The following CDC7 variants were observed in gnomAD, a reference collection of about 807,000 sequenced individuals.
CDC7 encodes the protein cell division cycle 7-related protein kinase.
CDC7 carries 34 observed loss-of-function variants against 53.5 expected under a neutral mutation model. That is an observed-to-expected ratio of 0.64 (90% CI 0.48 to 0.85). CDC7 has a LOEUF of 0.85. Ranked by LOEUF, CDC7 falls within the 40% of genes least tolerant of loss-of-function variation. The pLI, the probability that CDC7 is intolerant of heterozygous loss-of-function variation, is 0.00. For missense variants in CDC7, 594 were observed against 679.7 expected (o/e 0.87, Z 1.40); for synonymous variants, 211 against 222.8 (o/e 0.95, Z 0.47).
chr1:91,523,992 AT>A (rs1452166153), intron 11 of CDC7, 48 bp from the exon 12 acceptor site: 29 of 1,454,172 alleles, frequency 2.0e-5, no homozygotes, highest in Non-Finnish European at 2.6e-5. Flanking sequence ...ATATATTCAA[AT>A]AATAAAATGT....
chr1:91,515,791 A>G lies in CDC7; in HGVS notation c.1098-3A>G, dbSNP rs758356395. The G allele has an allele frequency of 1.2e-6, 2 of 1,613,222 alleles. No homozygotes were observed. Among genetic ancestry groups the G allele is most frequent in the Non-Finnish European group, 8.5e-7 (1 of 1,179,614 alleles). On this transcript the variant is annotated splice_region_variant and splice_polypyrimidine_tract_variant and intron_variant, in intron 9 of 11. Coordinates refer to ENST00000234626, the MANE Select transcript of CDC7 (RefSeq NM_003503.4). ...AACTAGAGAAATCTTATTTCATCAT[A>G]AGGCGTCAGCAGGTTGCCCCTAGGG...
At chr1:91,518,087 C>A in intron 10 of CDC7, among the ~76,000 whole-genome samples, 1 of 21,740 alleles carries the variant, frequency 4.6e-5, no homozygotes, top group East Asian at 1.1e-3. Flanking sequence ...GAGTGAGACT[C>A]AGTCTCAAAA....
chr1:91,515,421 C>T (rs1031975945), intron 9 of CDC7, among the ~76,000 whole-genome samples: 1 of 152,068 alleles, frequency 6.6e-6, no homozygotes, highest in Non-Finnish European at 1.5e-5. Flanking sequence ...TTTCATAAAG[C>T]CTTTCTTGAT....
intron 1 of CDC7, 69 bp from the exon 2 acceptor site, chr1:91,501,585 G>C (rs184001458): frequency 7.4e-5 from 53 of 713,180 alleles, no homozygotes; most frequent in Admixed American, 1.1e-4. Flanking sequence ...CCTTTGGGGG[G>C]CAGTAGCATG....
chr1:91,521,813 A>C (rs1667962041), intron 11 of CDC7, among the ~76,000 whole-genome samples: 1 of 152,144 alleles, frequency 6.6e-6, no homozygotes, highest in Non-Finnish European at 1.5e-5. Context: ...CTCTAGATCA[A>C]GTGCCATGAT....
intron 2 of CDC7, among the ~76,000 whole-genome samples, chr1:91,506,376 T>G (rs1666991377): frequency 6.6e-6 from 1 of 152,110 alleles, no homozygotes. Context: ...TTCCTGTCTT[T>G]ACAGACGTAG....
Position 91,514,009 on chromosome 1 carries a change from A to G in CDC7, c.884A>G (p.His295Arg). The G allele has an allele frequency of 6.2e-7, 1 of 1,612,262 alleles. No individual in the cohort carries two copies. ...TTTGGAGAAAGAAATTTCAATATAC[A>G]CAGCTCCATTTCACATGAGAGCCCT... Reference protein sequence around the residue: ...SVFGERNFNIHSSISHESPAV... With the variant: ...SVFGERNFNIRSSISHESPAV... The change falls in exon 8 of 12, where the codon CAC (histidine) becomes CGC (arginine). Residue 295 changes from histidine to arginine, a missense_variant. Transcript: ENST00000234626.
rs116098820 is a variant in CDC7 at position 91,505,407 on chromosome 1, A to G, written c.116-2447A>G. ...ATACTCTGTTTAAACTCTGTTTGCT[A>G]TGTTGCAAGCCGACTGGCTACTATG... On this transcript the variant is annotated intron_variant, in intron 2 of 11. Coordinates refer to ENST00000234626, the MANE Select transcript of CDC7 (RefSeq NM_003503.4). 6.4e-3 allele frequency among the ~76,000 whole-genome samples: 977 copies of G among 152,298 alleles called. 8 individuals carry two copies. Among genetic ancestry groups the G allele is most frequent in the African/African-American group, 0.022 (932 of 41,566 alleles).
chr1:91,521,162 C>G (rs1190107665), intron 11 of CDC7, among the ~76,000 whole-genome samples: 3 of 152,198 alleles, frequency 2.0e-5, no homozygotes, highest in Non-Finnish European at 4.4e-5. Flanking sequence ...ATCAGTGGGT[C>G]TTAACCAGAG....
At chr1:91,510,176 T>C (rs1256087007) in intron 4 of CDC7, among the ~76,000 whole-genome samples, 3 of 151,756 alleles carry the variant, frequency 2.0e-5, no homozygotes, top group East Asian at 1.9e-4. Context: ...GATCACTCCA[T>C]TGCACTCCAT....
At chr1:91,520,558 C>G (rs1248475228) in intron 11 of CDC7, among the ~76,000 whole-genome samples, 1 of 151,974 alleles carries the variant, frequency 6.6e-6, no homozygotes, top group Non-Finnish European at 1.5e-5. Context: ...ATCTTAACTC[C>G]TTTTAGTTAT....
intron 1 of CDC7, chr1:91,501,187 T>G: frequency 6.6e-6 from 1 of 152,466 alleles, no homozygotes; most frequent in African/African-American, 2.4e-5. Context: ...CGGATTCCCA[T>G]TCATTCACCC....
In CDC7 at chr1:91,520,202, GTGA is replaced by G; in HGVS notation, c.1258_1260del (p.Asp420del). ...GGACGATATCCATTTTATAAAGCAA[GTGA>G]TGATTTAACTGCTTTGGCCCAAATT... On this transcript the variant is annotated inframe_deletion, in exon 11 of 12. Coordinates refer to ENST00000234626, the MANE Select transcript of CDC7 (RefSeq NM_003503.4). The G allele has an allele frequency of 1.4e-5, 22 of 1,609,778 alleles. No homozygotes were observed. Among genetic ancestry groups the G allele is most frequent in the Non-Finnish European group, 1.6e-5 (19 of 1,177,606 alleles).
At position 91,515,008 on chromosome 1, in the gene CDC7, T is replaced by G; in HGVS notation, c.1097+11T>G. The G allele has an allele frequency of 6.2e-7, 1 of 1,600,904 alleles. No homozygotes were observed. The highest frequency in any genetic ancestry group is 8.5e-7 in the Non-Finnish European group (1 of 1,174,886). On this transcript the variant is annotated intron_variant, in intron 9 of 11. Transcript: ENST00000234626. ...TATTTGCCTTTCAAGGTAATGTGTTTTGATGGTGTTATAAAATCACCAGCA... is the reference window on the plus strand; with the variant it reads ...TATTTGCCTTTCAAGGTAATGTGTTGTGATGGTGTTATAAAATCACCAGCA...
chr1:91,508,670 T>C (rs1450010526), intron 4 of CDC7, among the ~76,000 whole-genome samples: 1 of 152,202 alleles, frequency 6.6e-6, no homozygotes, highest in Non-Finnish European at 1.5e-5. Flanking sequence ...ACCTTGGCTT[T>C]CATGGTTTAC....
Position 91,524,890 on chromosome 1 carries a change from AG to A in CDC7, c.*456del, listed in dbSNP as rs1415960927. ...GTGCTCTTAACAATTTTGTAAATAA[AG>A]AAGATAATTTCCTTTTCTAGAGGTA... is the stretch of plus-strand genomic sequence containing the variant. On this transcript the variant is annotated 3_prime_UTR_variant, in exon 12 of 12. Coordinates refer to ENST00000234626, the MANE Select transcript of CDC7 (RefSeq NM_003503.4). 3.8e-5 allele frequency: 3 copies of A among 79,022 alleles called. No individual in the cohort carries two copies. The highest frequency in any genetic ancestry group is 9.5e-4 in the South Asian group (2 of 2,106). 4.9% of individuals were successfully genotyped at this position (79,022 alleles called of 1,614,324 possible).
chr1:91,507,972 G>C, intron 3 of CDC7, 35 bp downstream of exon 3: 1 of 1,515,656 alleles, frequency 6.6e-7, no homozygotes, highest in Non-Finnish European at 8.8e-7. Context: ...ATTTTTACGA[G>C]GTCTTTTTTC....
intron 10 of CDC7, 142 bp from the exon 11 acceptor site, chr1:91,519,988 A>G (rs1361169229): frequency 5.0e-5 from 28 of 558,782 alleles, no homozygotes; most frequent in Non-Finnish European, 7.5e-5. Flanking sequence ...GAACTGTTCA[A>G]TCAAAATCTT....
chr1:91,518,927 A>C (rs1667749536), intron 10 of CDC7, among the ~76,000 whole-genome samples: 1 of 151,718 alleles, frequency 6.6e-6, no homozygotes, highest in Admixed American at 6.6e-5. Flanking sequence ...TGGATGTGGT[A>C]GTGTGCATCT....
Sources: allele counts gnomAD v4.1 joint callset (sites outside exome capture counted in the v4.1 genomes callset), GRCh38; gene constraint gnomAD v4.1.1; transcripts MANE v1.5; gene names NCBI Gene and HGNC (gene_info 2026-07-23, HGNC 2026-07-21).